FUCA1: variants seen among roughly 807,000 people sequenced by gnomAD.
The protein encoded by FUCA1 is alpha-L-fucosidase 1.
A neutral mutation model predicts 56.8 loss-of-function variants in FUCA1; 52 were observed. That is an observed-to-expected ratio of 0.92 (90% CI 0.73 to 1.15). The LOEUF is 1.15. Ranked by LOEUF, FUCA1 falls within the 50% of genes most tolerant of loss-of-function variation. The pLI is 0.00. For missense variants in FUCA1, 568 were observed against 592.6 expected, an observed-to-expected ratio of 0.96 and a Z score of 0.43; for synonymous variants, 230 against 226.6, an observed-to-expected ratio of 1.02 and a Z score of -0.14.
Position 23,863,161 on chromosome 1 carries a change from A to G in FUCA1, c.635T>C (p.Met212Thr). ...KTQHFVSAKT[M>T]PELYDLVNSY... ...GTTAACAAGGTCGTACAGCTCTGGC[A>G]TTGTTTTTGCACTGACAAAATGCTG... The change falls in exon 3 of 8, where the codon ATG becomes ACG. Residue 212 changes from methionine to threonine, a missense_variant. Coordinates refer to ENST00000374479, the MANE Select transcript of FUCA1 (RefSeq NM_000147.5). 1 of 1,613,994 alleles carries G rather than the reference A, an allele frequency of 6.2e-7. No individual in the cohort carries two copies. The highest frequency in any genetic ancestry group is 8.5e-7 in the Non-Finnish European group (1 of 1,180,010).
In FUCA1 at chr1:23,865,568, C is replaced by A. The variant is rs781283434; in HGVS notation, c.447G>T (p.Val149=). ...CGTCTTTGGAGTTCCAGTTCCAAGA[C>A]ACAGGACTCGGCCAGTTTGTGAAGC... ...HEGFTNWPSP[V]SWNWNSKDVG... Residue 149 remains valine, a synonymous_variant, in exon 2 of 8, where the codon GTG becomes GTT. Coordinates refer to ENST00000374479, the MANE Select transcript of FUCA1 (RefSeq NM_000147.5). The A allele has an allele frequency of 6.2e-7, 1 of 1,614,196 alleles. No homozygotes were observed. Among genetic ancestry groups the A allele is most frequent in the Non-Finnish European group, 8.5e-7 (1 of 1,180,050 alleles).
intron 4 of FUCA1, among the ~76,000 whole-genome samples, chr1:23,855,067 C>T (rs1394228718): frequency 1.3e-5 from 2 of 151,322 alleles, no homozygotes; most frequent in African/African-American, 4.9e-5. Flanking sequence ...ATAATCCCAG[C>T]CTTACTTACG....
Position 23,854,359 on chromosome 1 carries a change from C to T in FUCA1, c.969+1G>A, listed in dbSNP as rs1570679652. 1 of 1,613,026 alleles carries T rather than the reference C, an allele frequency of 6.2e-7. No individual in the cohort carries two copies. Among genetic ancestry groups the T allele is most frequent in the Non-Finnish European group, 8.5e-7 (1 of 1,179,226 alleles). ...AACAAAAAACTCAAAGGTGCTCTTA[C>T]CGAAATGATTTCAGATTCTTCTGTA... On this transcript the variant is annotated splice_donor_variant, in intron 5 of 7. Coordinates refer to ENST00000374479, the MANE Select transcript of FUCA1 (RefSeq NM_000147.5). LOFTEE classifies it high-confidence loss of function.
At chr1:23,855,554 G>C (rs1639374025) in intron 4 of FUCA1, among the ~76,000 whole-genome samples, 1 of 152,206 alleles carries the variant, frequency 6.6e-6, no homozygotes, top group Non-Finnish European at 1.5e-5. Context: ...ACGGCAAAAA[G>C]AGATTTATTA....
At chr1:23,862,537 C>G (rs1305000810) in intron 3 of FUCA1, among the ~76,000 whole-genome samples, 1 of 152,208 alleles carries the variant, frequency 6.6e-6, no homozygotes, top group African/African-American at 2.4e-5. Context: ...GGTCTACCGT[C>G]CTCTATGAGT....
intron 4 of FUCA1, among the ~76,000 whole-genome samples, chr1:23,857,961 C>T (rs1639428700): frequency 6.6e-6 from 1 of 151,804 alleles, no homozygotes; most frequent in Admixed American, 6.6e-5. Flanking sequence ...AGCCACCACG[C>T]CCGGCCTTAG....
At chr1:23,854,216 C>T (rs1639342409) in intron 5 of FUCA1, 144 bp downstream of exon 5, 5 of 714,420 alleles carry the variant, frequency 7.0e-6, no homozygotes, top group East Asian at 2.7e-5. Flanking sequence ...ATAATGATCT[C>T]GCTTTTCTTC....
Position 23,848,640 on chromosome 1 carries a change from A to T in FUCA1, c.1160+9T>A. On this transcript the variant is annotated intron_variant, in intron 6 of 7. Transcript: ENST00000374479. ...TCTGTTCTTACACACAACAGAAGAC[A>T]AGACTCACCATACAGATGTTGTGTT... The T allele has an allele frequency of 6.2e-7, 1 of 1,613,932 alleles. No individual in the cohort carries two copies.
chr1:23,854,330 CA>C, intron 5 of FUCA1, 29 bp downstream of exon 5: 1 of 1,483,882 alleles, frequency 6.7e-7, no homozygotes, highest in Non-Finnish European at 9.2e-7. Flanking sequence ...AAAAAAAAAA[CA>C]AAAACAAAAA....
chr1:23,849,575 CTTTTTTTTT>C (rs991049814), intron 5 of FUCA1, among the ~76,000 whole-genome samples: 1 of 80,262 alleles, frequency 1.2e-5, no homozygotes, highest in African/African-American at 5.2e-5. Context: ...GAGATACGTT[CTTTTTTTTT>C]TTTTTTTTTT....
intron 1 of FUCA1, among the ~76,000 whole-genome samples, chr1:23,866,132 C>T (rs531317972): frequency 2.0e-5 from 3 of 152,162 alleles, no homozygotes; most frequent in East Asian, 1.9e-4. Context: ...GCCAATGAGG[C>T]GAAAACCCAT....
Position 23,845,263 on chromosome 1 carries a change from C to A in FUCA1, c.*452G>T. On this transcript the variant is annotated 3_prime_UTR_variant, in exon 8 of 8. Transcript: ENST00000374479. ...AGCCTGGTAAGCCTTTTCCTTTCCC[C>A]CAAAGCTCTCCTGCCCTTTGCAGAA... 1 of 234,036 alleles carries A rather than the reference C, an allele frequency of 4.3e-6. No homozygotes were observed. The allele number at this position is 234,036 out of a possible 1,614,324, so 14.5% of individuals were successfully genotyped here.
intron 6 of FUCA1, 51 bp from the exon 7 acceptor site, chr1:23,846,224 T>C (rs1442117659): frequency 3.8e-6 from 4 of 1,063,478 alleles, no homozygotes; most frequent in African/African-American, 1.6e-5. Flanking sequence ...GTTATCCTGA[T>C]ATACAACTTT....
At chr1:23,855,511 C>T (rs563344207) in intron 4 of FUCA1, among the ~76,000 whole-genome samples, 1 of 152,140 alleles carries the variant, frequency 6.6e-6, no homozygotes, top group Non-Finnish European at 1.5e-5. Context: ...AAAACAAAAA[C>T]AAAAACAAAA....
Position 23,848,673 on chromosome 1 carries a change from C to T in FUCA1, c.1136G>A (p.Trp379Ter). 1 of 1,614,140 alleles carries T rather than the reference C, an allele frequency of 6.2e-7. No individual in the cohort carries two copies. The highest frequency in any genetic ancestry group is 8.5e-7 in the Non-Finnish European group (1 of 1,180,020). ...IYASKPWRVQ[W>*]EKNTTSVWYT... ...CCATACAGATGTTGTGTTCTTTTCC[C>T]ATTGCACCCGCCATGGTTTGGAGGC... Residue 379 changes from tryptophan (W) to a stop codon, truncating the protein, a stop_gained, in exon 6 of 8, where the codon TGG becomes TAG. Transcript: ENST00000374479. LOFTEE classifies it high-confidence loss of function.
intron 5 of FUCA1, 96 bp from the exon 6 acceptor site, chr1:23,848,935 T>C: frequency 9.4e-7 from 1 of 1,061,576 alleles, no homozygotes; most frequent in South Asian, 1.3e-5. Context: ...TAGGGCACAC[T>C]CTGTTTTTTA....
chr1:23,848,888 G>T, intron 5 of FUCA1, 49 bp from the exon 6 acceptor site: 1 of 1,464,242 alleles, frequency 6.8e-7, no homozygotes, highest in Non-Finnish European at 9.6e-7. Flanking sequence ...GCCAAGCCTG[G>T]CATCATGCTT....
chr1:23,852,588 G>A (rs1321824780), intron 5 of FUCA1, among the ~76,000 whole-genome samples: 1 of 152,074 alleles, frequency 6.6e-6, no homozygotes, highest in Non-Finnish European at 1.5e-5. Flanking sequence ...TGATTCTCCT[G>A]CCTCAGCCTG....
In FUCA1 at chr1:23,845,941, G is replaced by A. The variant is rs568668791; in HGVS notation, c.1261-86C>T. The A allele has an allele frequency of 1.1e-5, 17 of 1,562,184 alleles. No individual in the cohort carries two copies. In the African/African-American group the frequency reaches 1.8e-4, roughly 16 times the overall value. ...GCTGACTATGGTAGGAAACAGCCAC[G>A]CTGGGCCAGGGCAGGAAAGCCAGTC... On this transcript the variant is annotated intron_variant, in intron 7 of 7. Coordinates refer to ENST00000374479, the MANE Select transcript of FUCA1 (RefSeq NM_000147.5).
Sources: allele counts gnomAD v4.1 joint callset (sites outside exome capture counted in the v4.1 genomes callset), GRCh38; gene constraint gnomAD v4.1.1; transcripts MANE v1.5; gene names NCBI Gene and HGNC (gene_info 2026-07-23, HGNC 2026-07-21).